The following BNC2 variants were observed in gnomAD, a reference collection of about 807,000 sequenced individuals.
The protein encoded by BNC2 is zinc finger protein basonuclin-2.
Under a neutral mutation model 76.3 loss-of-function variants are expected in BNC2, and 20 were observed. The observed-to-expected ratio is 0.26, with a 90% CI of 0.18 to 0.38. BNC2 has a LOEUF of 0.38. Among genes scored for constraint, BNC2 ranks in the 10% least tolerant of loss-of-function variants. BNC2 has a pLI of 1.00. For missense variants in BNC2, 1,382 were observed against 1,399.8 expected (o/e 0.99, Z 0.20); for synonymous variants, 582 against 514.8 (o/e 1.13, Z -1.77).
Position 16,807,173 on chromosome 9 carries a change from G to C in BNC2, c.3+63473C>G, listed in dbSNP as rs369608270. Among the ~76,000 whole-genome samples, 6 of 152,224 alleles carry C rather than the reference G, an allele frequency of 3.9e-5. No individual in the cohort carries two copies. In the East Asian group the frequency reaches 7.7e-4, roughly 20 times the overall value. The stretch of plus-strand genomic sequence containing the variant: ...GTATCCTTCTTGTTTGAAACCACCT[G>C]ACAACTTACCATTCTGGGACAATAA... On this transcript the variant is annotated intron_variant, in intron 1 of 6. Coordinates refer to ENST00000380672, the MANE Select transcript of BNC2 (RefSeq NM_017637.6).
At chr9:16,663,128 C>CTATTTTTTTTTTTT (rs1220327938) in intron 3 of BNC2, among the ~76,000 whole-genome samples, 1 of 51,650 alleles carries the variant, frequency 1.9e-5, no homozygotes. Flanking sequence ...ACTCTGTTTA[C>CTATTTTTTTTTTTT]TCTTTTTTTT....
intron 5 of BNC2, among the ~76,000 whole-genome samples, chr9:16,525,874 C>T (rs1248733331): frequency 1.3e-5 from 2 of 152,046 alleles, no homozygotes; most frequent in South Asian, 2.1e-4. Flanking sequence ...AACCACAGTC[C>T]TTTATATAAT....
intron 3 of BNC2, among the ~76,000 whole-genome samples, chr9:16,724,402 G>T (rs541391344): frequency 6.6e-6 from 1 of 151,956 alleles, no homozygotes; most frequent in East Asian, 1.9e-4. Context: ...AACTAAAATA[G>T]GCAAAATAAG....
chr9:16,483,955 T>C (rs1006389655), intron 5 of BNC2, among the ~76,000 whole-genome samples: 2 of 152,178 alleles, frequency 1.3e-5, no homozygotes, highest in African/African-American at 4.8e-5. Context: ...ACTTAATAAA[T>C]CCTGGCTGAT....
intron 4 of BNC2, among the ~76,000 whole-genome samples, chr9:16,559,043 A>T (rs1404335527): frequency 6.6e-6 from 1 of 152,170 alleles, no homozygotes; most frequent in East Asian, 1.9e-4. Context: ...TGGAATGAAG[A>T]GTATTCTAAA....
intron 6 of BNC2, among the ~76,000 whole-genome samples, chr9:16,426,707 A>T (rs1475753891): frequency 6.6e-5 from 10 of 151,442 alleles, no homozygotes; most frequent in Non-Finnish European, 8.8e-5. Flanking sequence ...CATTTAACCA[A>T]CCAGCAATGC....
chr9:16,829,630 T>C (rs1415502303), intron 1 of BNC2, among the ~76,000 whole-genome samples: 2 of 152,232 alleles, frequency 1.3e-5, no homozygotes, highest in Non-Finnish European at 2.9e-5. Context: ...TTTAGATCTA[T>C]GCCCAGTGCT....
At chr9:16,721,796 C>G (rs1473034227) in intron 3 of BNC2, among the ~76,000 whole-genome samples, 1 of 152,178 alleles carries the variant, frequency 6.6e-6, no homozygotes, top group Non-Finnish European at 1.5e-5. Flanking sequence ...CCACAAAGTT[C>G]TCTGACAGCA....
chr9:16,727,960 GTC>G lies in BNC2; in HGVS notation c.165_166del (p.Glu55AspfsTer21), dbSNP rs776320559. The G allele has an allele frequency of 1.2e-6, 2 of 1,613,988 alleles. No individual in the cohort carries two copies. Among genetic ancestry groups the G allele is most frequent in the Non-Finnish European group, 1.7e-6 (2 of 1,179,996 alleles). ...CCTCTTTGGCTCTCTGTCTCTCTGT[GTC>G]TCTCTTTCTCTCACATCCACTTCTG... On this transcript the variant is annotated frameshift_variant, in exon 3 of 7. Transcript: ENST00000380672. LOFTEE classifies it high-confidence loss of function.
intron 3 of BNC2, among the ~76,000 whole-genome samples, chr9:16,660,511 C>T (rs972394193): frequency 4.0e-5 from 6 of 151,806 alleles, no homozygotes; most frequent in Non-Finnish European, 8.8e-5. Context: ...ATGTGTGCAC[C>T]TCCTACTCTT....
chr9:16,416,663 T>C lies in BNC2; in HGVS notation c.*2326A>G, dbSNP rs1373679972. On this transcript the variant is annotated 3_prime_UTR_variant, in exon 7 of 7. Transcript: ENST00000380672. ...TCTTTTGTACTGCAAATACTTTTGGTCTTTCCTCCCCGTAGAACAAATGAA... is the reference window on the plus strand; with the variant it reads ...TCTTTTGTACTGCAAATACTTTTGGCCTTTCCTCCCCGTAGAACAAATGAA... The C allele has an allele frequency of 6.6e-6, 1 of 152,620 alleles. No homozygotes were observed. The highest frequency in any genetic ancestry group is 1.5e-5 in the Non-Finnish European group (1 of 68,028). The allele number at this position is 152,620 out of a possible 1,614,324, so 9.5% of individuals were successfully genotyped here. A position where few individuals can be genotyped will look rare whatever the true frequency, so the allele number is the denominator to read the frequency against.
rs34351017 is a variant in BNC2, at chr9:16,751,266, T to TAAA, written c.4-12784_4-12782dup. On this transcript the variant is annotated intron_variant, in intron 1 of 6. Transcript: ENST00000380672. ...CTCTTAAATTGCATTGAAAATGGTT[T>TAAA]AAAAAAAAAAAAACCCTAGTATATT... is the stretch of plus-strand genomic sequence containing the variant. 9.8e-3 allele frequency among the ~76,000 whole-genome samples: 1,426 copies of TAAA among 145,700 alleles called. 23 individuals carry two copies. Among genetic ancestry groups the TAAA allele is most frequent in the African/African-American group, 0.033 (1,309 of 39,472 alleles).
At chr9:16,644,282 T>C (rs928325690) in intron 3 of BNC2, among the ~76,000 whole-genome samples, 8 of 152,154 alleles carry the variant, frequency 5.3e-5, no homozygotes, top group African/African-American at 1.4e-4. Context: ...CCTCAAGTTA[T>C]TGCAAGATGA....
intron 3 of BNC2, among the ~76,000 whole-genome samples, chr9:16,617,316 G>A (rs568178004): frequency 5.3e-5 from 8 of 152,090 alleles, no homozygotes; most frequent in Non-Finnish European, 7.4e-5. Flanking sequence ...CTTTGGTTAC[G>A]AAAAAATACA....
chr9:16,582,647 C>A (rs780893223), intron 4 of BNC2, among the ~76,000 whole-genome samples: 4 of 152,168 alleles, frequency 2.6e-5, no homozygotes, highest in Admixed American at 6.5e-5. Flanking sequence ...GAGGTCCAGG[C>A]CCTGAAAGGC....
At chr9:16,754,066 C>A (rs1825304540) in intron 1 of BNC2, among the ~76,000 whole-genome samples, 1 of 152,182 alleles carries the variant, frequency 6.6e-6, no homozygotes, top group African/African-American at 2.4e-5. Flanking sequence ...TAATTGCTGC[C>A]TCTGTCTCTC....
At chr9:16,446,563 G>T (rs1217315164) in intron 5 of BNC2, among the ~76,000 whole-genome samples, 2 of 152,004 alleles carry the variant, frequency 1.3e-5, no homozygotes, top group African/African-American at 4.8e-5. Flanking sequence ...CTCCAAAAAT[G>T]ATCACCTCTC....
chr9:16,736,652 T>G, intron 2 of BNC2, among the ~76,000 whole-genome samples: 1 of 151,726 alleles, frequency 6.6e-6, no homozygotes. Flanking sequence ...ATTTTTTTAT[T>G]TTTAGTAGAG....
intron 3 of BNC2, among the ~76,000 whole-genome samples, chr9:16,616,025 A>T (rs776688805): frequency 3.3e-5 from 5 of 152,188 alleles, no homozygotes; most frequent in Non-Finnish European, 5.9e-5. Context: ...CATTACATCA[A>T]GATAACTCCA....
Sources: gnomAD v4.1 joint callset for allele counts (sites outside exome capture counted in the v4.1 genomes callset) on GRCh38, gnomAD v4.1.1 for gene constraint, MANE v1.5 for transcripts, NCBI Gene and HGNC (gene_info 2026-07-23, HGNC 2026-07-21) for gene names.